Variants in XPR1 observed in about 807,000 individuals in gnomAD.
XPR1 encodes the protein xenotropic and polytropic retrovirus receptor 1.
In XPR1, 28 loss-of-function variants were observed where a neutral mutation model predicts 87.5. The observed-to-expected ratio is 0.32, with a 90% CI of 0.24 to 0.44. The LOEUF is 0.44. XPR1 is among the 20% of genes least tolerant of loss of function. The pLI is 1.00. For missense variants in XPR1, 559 were observed against 862.3 expected (o/e 0.65, Z 4.41); for synonymous variants, 300 against 306.1 (o/e 0.98, Z 0.21).
At chr1:180,852,356 A>G (rs1459307433) in intron 11 of XPR1, among the ~76,000 whole-genome samples, 1 of 152,188 alleles carries the variant, frequency 6.6e-6, no homozygotes, top group Non-Finnish European at 1.5e-5. Context: ...CAGAATATTG[A>G]CATTCATACA....
chr1:180,836,099 C>G (rs1651280335), intron 10 of XPR1, among the ~76,000 whole-genome samples: 1 of 152,146 alleles, frequency 6.6e-6, no homozygotes, highest in Non-Finnish European at 1.5e-5. Context: ...TGGCTCACAC[C>G]TGTAATCCTA....
At chr1:180,651,459 A>G (rs957105843) in intron 1 of XPR1, among the ~76,000 whole-genome samples, 9 of 152,184 alleles carry the variant, frequency 5.9e-5, no homozygotes, top group African/African-American at 2.2e-4. Flanking sequence ...TAAGAGGCAC[A>G]TTCCCCTGTT....
At chr1:180,832,593 C>G (rs1651107175) in intron 9 of XPR1, among the ~76,000 whole-genome samples, 1 of 152,182 alleles carries the variant, frequency 6.6e-6, no homozygotes, top group East Asian at 1.9e-4. Flanking sequence ...GATCCAGTTT[C>G]AGCTTTCTGC....
chr1:180,852,697 C>A (rs903212047), intron 11 of XPR1, among the ~76,000 whole-genome samples: 1 of 152,038 alleles, frequency 6.6e-6, no homozygotes, highest in Non-Finnish European at 1.5e-5. Context: ...TACAGGTGTG[C>A]GCCACCACAC....
intron 6 of XPR1, among the ~76,000 whole-genome samples, chr1:180,810,819 G>T (rs1466933738): frequency 1.3e-5 from 2 of 151,022 alleles, no homozygotes; most frequent in African/African-American, 4.9e-5. Flanking sequence ...GTATATATAT[G>T]TATATATATG....
chr1:180,759,194 A>G (rs1571807239), intron 2 of XPR1, among the ~76,000 whole-genome samples: 1 of 152,342 alleles, frequency 6.6e-6, no homozygotes, highest in South Asian at 2.1e-4. Context: ...CCCTAACATC[A>G]CAATAAAAAG....
chr1:180,846,765 T>G (rs557496105), intron 11 of XPR1, among the ~76,000 whole-genome samples: 1 of 151,964 alleles, frequency 6.6e-6, no homozygotes, highest in South Asian at 2.1e-4. Context: ...ATTTCATTGA[T>G]ACTTTGGATA....
At chr1:180,734,076 G>T (rs1350843826) in intron 2 of XPR1, among the ~76,000 whole-genome samples, 4 of 152,182 alleles carry the variant, frequency 2.6e-5, no homozygotes, top group Non-Finnish European at 4.4e-5. Context: ...GCAGAGCCAG[G>T]ATTTCAACCC....
intron 2 of XPR1, among the ~76,000 whole-genome samples, chr1:180,703,266 C>A (rs1352167921): frequency 6.6e-6 from 1 of 152,022 alleles, no homozygotes; most frequent in Non-Finnish European, 1.5e-5. Context: ...GGTTGATTCC[C>A]AGGTCACTAG....
chr1:180,839,647 G>T (rs1307177391), intron 11 of XPR1, among the ~76,000 whole-genome samples: 1 of 152,116 alleles, frequency 6.6e-6, no homozygotes, highest in African/African-American at 2.4e-5. Flanking sequence ...ATTAATAAAA[G>T]AAACGGTTTG....
At chr1:180,810,651 A>G (rs1347146364) in intron 6 of XPR1, among the ~76,000 whole-genome samples, 2 of 152,048 alleles carry the variant, frequency 1.3e-5, no homozygotes, top group African/African-American at 2.4e-5. Context: ...TGTCTCCGTC[A>G]TCGTCTCTAA....
rs999700564 is a variant in XPR1 at position 180,632,030 on chromosome 1, G to C, written c.-172G>C. On this transcript the variant is annotated 5_prime_UTR_variant, in exon 1 of 15. Transcript: ENST00000367590. ...CGGGGAGGGGCGGGGCTATGGAGAG[G>C]AGGAGGAAGATGGCGGGCGGGCTGC... The C allele has an allele frequency of 1.4e-6, 1 of 718,458 alleles. No homozygotes were observed. The highest frequency in any genetic ancestry group is 2.5e-6 in the Non-Finnish European group (1 of 408,022). The allele number at this position is 718,458 out of a possible 1,614,324, so 44.5% of individuals were successfully genotyped here. A position where few individuals can be genotyped will look rare whatever the true frequency, so the allele number is the denominator to read the frequency against.
chr1:180,865,568 T>C (rs1007477513), intron 12 of XPR1, among the ~76,000 whole-genome samples: 20 of 152,096 alleles, frequency 1.3e-4, no homozygotes, highest in African/African-American at 4.8e-4. Flanking sequence ...GTCCGGTTAA[T>C]TTTTTGTAGT....
chr1:180,691,000 A>G (rs538186778), intron 2 of XPR1, among the ~76,000 whole-genome samples: 2 of 151,942 alleles, frequency 1.3e-5, no homozygotes, highest in Non-Finnish European at 2.9e-5. Flanking sequence ...TAGATGGCCA[A>G]ACATATTATT....
chr1:180,864,791 T>G (rs1165953302), intron 12 of XPR1, among the ~76,000 whole-genome samples: 1 of 152,170 alleles, frequency 6.6e-6, no homozygotes, highest in African/African-American at 2.4e-5. Context: ...TTGAAAGAAA[T>G]TAAACAATGA....
At chr1:180,632,581 AC>A (rs1654624201) in intron 1 of XPR1, among the ~76,000 whole-genome samples, 1 of 152,228 alleles carries the variant, frequency 6.6e-6, no homozygotes, top group Non-Finnish European at 1.5e-5. Context: ...TGGGGGAGTC[AC>A]GGTGCGAGGG....
At chr1:180,675,152 G>T (rs114179395) in intron 1 of XPR1, among the ~76,000 whole-genome samples, 2,027 of 152,264 alleles carry the variant, frequency 0.013, 39 homozygotes, top group African/African-American at 0.046. Flanking sequence ...TTTAAGACAT[G>T]CCTGGAAGAA....
intron 2 of XPR1, among the ~76,000 whole-genome samples, chr1:180,780,092 T>C (rs1042962579): frequency 6.6e-6 from 1 of 152,244 alleles, no homozygotes; most frequent in Non-Finnish European, 1.5e-5. Context: ...TTTCTACTTT[T>C]TGATATTATA....
intron 2 of XPR1, among the ~76,000 whole-genome samples, chr1:180,773,024 C>G (rs949959852): frequency 2.4e-4 from 36 of 152,240 alleles, no homozygotes; most frequent in African/African-American, 6.3e-4. Flanking sequence ...TCCCCAGTAC[C>G]CTTTCTCCTA....
Sources: gnomAD v4.1 joint callset for allele counts (sites outside exome capture counted in the v4.1 genomes callset) on GRCh38, gnomAD v4.1.1 for gene constraint, MANE v1.5 for transcripts, NCBI Gene and HGNC (gene_info 2026-07-23, HGNC 2026-07-21) for gene names.